The following HLTF variants were observed in gnomAD, a reference collection of about 807,000 sequenced individuals.
HLTF encodes the protein helicase like transcription factor.
A neutral mutation model predicts 129.4 loss-of-function variants in HLTF; 127 were observed. That is an observed-to-expected ratio of 0.98 (90% confidence interval 0.85 to 1.14). The LOEUF (loss-of-function observed/expected upper bound fraction) is 1.14. HLTF is among the 50% of genes most tolerant of loss of function. The pLI is 0.00. For synonymous variants in HLTF, 332 were observed against 388.8 expected (o/e 0.85, Z 1.72); for missense variants, 1,139 against 1,187.1 (o/e 0.96, Z 0.60).
At chr3:149,077,173 G>A (rs758094000) in intron 2 of HLTF, among the ~76,000 whole-genome samples, 5 of 151,870 alleles carry the variant, frequency 3.3e-5, no homozygotes, top group Admixed American at 1.3e-4. Flanking sequence ...ACTTGAACCC[G>A]GCAGGCAGAG....
intron 22 of HLTF, 147 bp downstream of exon 22, chr3:149,039,434 G>T: frequency 1.7e-6 from 1 of 590,222 alleles, no homozygotes; most frequent in Non-Finnish European, 2.8e-6. Flanking sequence ...TGTGCTGCCA[G>T]GAAGTATTCT....
intron 7 of HLTF, 81 bp downstream of exon 7, chr3:149,071,167 CCTAT>C (rs2108044627): frequency 1.2e-6 from 1 of 812,184 alleles, no homozygotes; most frequent in Non-Finnish European, 1.9e-6. Context: ...CCAACATATT[CCTAT>C]CTCTTTTTAC....
rs1715446350 is a variant in HLTF at position 149,034,960 on chromosome 3, T to C, written c.2835A>G (p.Arg945=). ...CTTGCTTCTGACCAAGTCTATGGCA[T>C]CTGTCAAAGCACTGATCTTCAGCAG... ...NPAAEDQCFD[R]CHRLGQKQEV... The change falls in exon 24 of 25, where the codon AGA becomes AGG. Residue 945 remains arginine (R), a synonymous_variant. Coordinates refer to ENST00000310053, the MANE Select transcript of HLTF (RefSeq NM_003071.4). 6.2e-7 allele frequency: 1 copy of C among 1,614,004 alleles called. No individual in the cohort carries two copies. The highest frequency in any genetic ancestry group is 1.1e-5 in the South Asian group (1 of 91,080).
intron 2 of HLTF, among the ~76,000 whole-genome samples, 174 bp from the exon 3 acceptor site, chr3:149,076,221 CCTT>C (rs1263901811): frequency 9.2e-5 from 14 of 151,848 alleles, no homozygotes; most frequent in African/African-American, 3.4e-4. Context: ...TATTATGACT[CCTT>C]AATATTATTT....
At chr3:149,084,039 A>G (rs1417193423) in intron 2 of HLTF, among the ~76,000 whole-genome samples, 7 of 152,202 alleles carry the variant, frequency 4.6e-5, no homozygotes. Flanking sequence ...TTACAAAGAT[A>G]TATTACAAAG....
rs778304214 is a variant in HLTF, at chr3:149,030,756, T to G, written c.*1464A>C. 1 of 152,208 alleles carries G rather than the reference T, an allele frequency of 6.6e-6. No individual in the cohort carries two copies. Among genetic ancestry groups the G allele is most frequent in the Non-Finnish European group, 1.5e-5 (1 of 68,038 alleles). The allele number at this position is 152,208 out of a possible 1,614,324, so 9.4% of individuals were successfully genotyped here. ...GTTTTGATGAAAATCAGCCCTTTCC[T>G]TACCTGCTACTGCCTCAAAAAGGGA... On this transcript the variant is annotated 3_prime_UTR_variant, in exon 25 of 25. Transcript: ENST00000310053.
rs555566119 is a variant in HLTF at position 149,041,999 on chromosome 3, T to C, written c.2197+167A>G. On this transcript the variant is annotated intron_variant, in intron 19 of 24. Coordinates refer to ENST00000310053, the MANE Select transcript of HLTF (RefSeq NM_003071.4). ...AAGACCTCATTATAATTCCATTTCATTGGTAAAAAAATTATTGGATGTATT... is the reference window on the plus strand; with the variant it reads ...AAGACCTCATTATAATTCCATTTCACTGGTAAAAAAATTATTGGATGTATT... 3.7e-5 allele frequency: 23 copies of C among 628,182 alleles called. 1 individual carries two copies. In the South Asian group the frequency reaches 4.9e-4, roughly 13 times the overall value. 38.9% of individuals were successfully genotyped at this position (628,182 alleles called of 1,614,324 possible). A position where few individuals can be genotyped will look rare whatever the true frequency, so the allele number is the denominator to read the frequency against.
intron 22 of HLTF, among the ~76,000 whole-genome samples, 170 bp downstream of exon 22, chr3:149,039,411 A>T (rs1337304132): frequency 6.6e-6 from 1 of 152,182 alleles, no homozygotes; most frequent in Admixed American, 6.5e-5. Flanking sequence ...TCAGGACTTA[A>T]TCTTTAAATT....
In HLTF at chr3:149,031,198, A is replaced by C. The variant is rs1448165717; in HGVS notation, c.*1022T>G. 1 of 152,628 alleles carries C rather than the reference A, an allele frequency of 6.6e-6. No individual in the cohort carries two copies. Among genetic ancestry groups the C allele is most frequent in the African/African-American group, 2.4e-5 (1 of 41,458 alleles). The allele number at this position is 152,628 out of a possible 1,614,324, so 9.5% of individuals were successfully genotyped here. On this transcript the variant is annotated 3_prime_UTR_variant, in exon 25 of 25. Transcript: ENST00000310053. The stretch of plus-strand genomic sequence containing the variant: ...AGAAAAAAGATGACTAATTCTACAG[A>C]TAGCTGTAAGGATGAATTACTCAAG...
intron 16 of HLTF, 148 bp from the exon 17 acceptor site, chr3:149,048,311 A>T: frequency 1.9e-6 from 1 of 518,802 alleles, no homozygotes; most frequent in Non-Finnish European, 3.3e-6. Context: ...TCAAGTGTTG[A>T]CTATAATCAT....
At position 149,068,298 on chromosome 3, in the gene HLTF, T is replaced by C. The variant is rs2305868; in HGVS notation, c.932A>G (p.Asn311Ser). The C allele has an allele frequency of 0.023, 35,982 of 1,566,608 alleles. 606 individuals are homozygous for C. Among genetic ancestry groups the C allele is most frequent in the Middle Eastern group, 0.073 (428 of 5,878 alleles). ...TLTAIAVILT[N>S]FHDGRPLPIE... Reference sequence around the variant, plus strand: ...AGGAAGAGGTCTGCCATCATGGAAGTTGGTAAGGATTACTGCAATGGCCGT... The same window carrying C: ...AGGAAGAGGTCTGCCATCATGGAAGCTGGTAAGGATTACTGCAATGGCCGT... The change falls in exon 8 of 25, where the codon AAC becomes AGC. Residue 311 changes from asparagine to serine, a missense_variant. Physicochemically the swap from Asn to Ser is conservative, Grantham distance 46. Transcript: ENST00000310053.
In HLTF at chr3:149,068,344, T is replaced by C. The variant is rs751121906; in HGVS notation, c.895-9A>G. The C allele has an allele frequency of 3.0e-6, 4 of 1,349,544 alleles. No individual in the cohort carries two copies. Among genetic ancestry groups the C allele is most frequent in the Non-Finnish European group, 4.2e-6 (4 of 961,572 alleles). 83.6% of individuals were successfully genotyped at this position (1,349,544 alleles called of 1,614,324 possible). On this transcript the variant is annotated splice_polypyrimidine_tract_variant and intron_variant, in intron 7 of 24. Coordinates refer to ENST00000310053, the MANE Select transcript of HLTF (RefSeq NM_003071.4). ...GCCGTAAGAGTTTTACCCTTAAAAA[T>C]GTTTTAAAAAGATAAATGGTCAGAT...
intron 1 of HLTF, among the ~76,000 whole-genome samples, chr3:149,085,459 A>C (rs1391706560): frequency 6.6e-6 from 1 of 152,268 alleles, no homozygotes; most frequent in Non-Finnish European, 1.5e-5. Flanking sequence ...ACTGCACTCC[A>C]GCCTGGACGA....
At chr3:149,078,343 T>A (rs1208131698) in intron 2 of HLTF, among the ~76,000 whole-genome samples, 2 of 151,980 alleles carry the variant, frequency 1.3e-5, no homozygotes, top group African/African-American at 4.8e-5. Context: ...GCCAGGAATT[T>A]GAGACCAGCC....
At chr3:149,041,906 C>T (rs978454436) in intron 19 of HLTF, 1 of 576,506 alleles carries the variant, frequency 1.7e-6, no homozygotes, top group South Asian at 2.3e-5. Context: ...TAACATACCA[C>T]CACACAATAA....
At chr3:149,059,609 T>A in intron 13 of HLTF, 109 bp downstream of exon 13, 1 of 655,590 alleles carries the variant, frequency 1.5e-6, no homozygotes, top group Non-Finnish European at 2.7e-6. Flanking sequence ...AAAAATAGTC[T>A]CTATTTTCTA....
Position 149,071,277 on chromosome 3 carries a change from C to T in HLTF, c.869G>A (p.Gly290Glu), listed in dbSNP as rs768864078. ...CAAACCCATATCATCAGCTAAAATT[C>T]CTCCATGGACATTTTCTGGTCGGTC... ...EKDRPENVHG[G>E]ILADDMGLGK... Residue 290 changes from glycine to glutamate, a missense_variant, in exon 7 of 25, where the codon GGA becomes GAA. By Grantham distance (98) the Gly-to-Glu change is moderately conservative (BLOSUM62 -2). Transcript: ENST00000310053. The T allele has an allele frequency of 6.3e-7, 1 of 1,585,352 alleles. No homozygotes were observed. The highest frequency in any genetic ancestry group is 2.2e-5 in the East Asian group (1 of 44,476).
At chr3:149,077,464 T>C (rs569273934) in intron 2 of HLTF, among the ~76,000 whole-genome samples, 20 of 151,740 alleles carry the variant, frequency 1.3e-4, no homozygotes, top group Non-Finnish European at 2.5e-4. Context: ...GCTCACCAAG[T>C]ACAAAAAAAC....
At chr3:149,064,180 G>A (rs959566232) in intron 9 of HLTF, among the ~76,000 whole-genome samples, 5 of 151,730 alleles carry the variant, frequency 3.3e-5, no homozygotes, top group African/African-American at 4.8e-5. Flanking sequence ...TTAGACCACA[G>A]AACAAAATCA....
Sources: gnomAD v4.1 joint callset for allele counts (sites outside exome capture counted in the v4.1 genomes callset) on GRCh38, gnomAD v4.1.1 for gene constraint, MANE v1.5 for transcripts, NCBI Gene and HGNC (gene_info 2026-07-23, HGNC 2026-07-21) for gene names.